SYNE1: variants seen among roughly 807,000 people sequenced by gnomAD.
SYNE1 encodes the protein spectrin repeat containing nuclear envelope protein 1.
Under a neutral mutation model 1,111.0 loss-of-function variants are expected in SYNE1, and 616 were observed. The ratio of observed to expected loss-of-function variants is 0.55; its 90% CI spans 0.52 to 0.59. The LOEUF is 0.59. Ranked by LOEUF, SYNE1 falls within the 20% of genes least tolerant of loss-of-function variation. The pLI, the probability that SYNE1 is intolerant of heterozygous loss-of-function variation, is 0.00. For missense variants in SYNE1, 10,006 were observed against 10,417.0 expected, an observed-to-expected ratio of 0.96 and a Z score of 1.72; for synonymous variants, 3,855 against 3,825.8, an observed-to-expected ratio of 1.01 and a Z score of -0.28.
At chr6:152,511,578 C>A (rs753354938) in intron 6 of SYNE1, 1 of 1,612,674 alleles carries the variant, frequency 6.2e-7, no homozygotes, top group Non-Finnish European at 8.5e-7. Context: ...AACCGGTGAT[C>A]CTCTGTGCAT....
At position 152,140,128 on chromosome 6, in the gene SYNE1, T is replaced by C. The variant is rs1377286405; in HGVS notation, c.25280A>G (p.Gln8427Arg). 6.2e-7 allele frequency: 1 copy of C among 1,614,186 alleles called. No individual in the cohort carries two copies. Among genetic ancestry groups the C allele is most frequent in the Non-Finnish European group, 8.5e-7 (1 of 1,180,020 alleles). Residue 8427 changes from glutamine to arginine, a missense_variant, in exon 140 of 146, where the codon CAG becomes CGG. By Grantham distance (43) the Gln-to-Arg change is conservative (BLOSUM62 1). Coordinates refer to ENST00000367255, the MANE Select transcript of SYNE1 (RefSeq NM_182961.4). Reference protein sequence around the residue: ...VIDRWELLQAQALSKELRMKQ... With the variant: ...VIDRWELLQARALSKELRMKQ... ...CATCCTCAACTCCTTGCTCAATGCCTGGGCCTGGAGAAGCTCCCATCGGTC... is the reference window on the plus strand; with the variant it reads ...CATCCTCAACTCCTTGCTCAATGCCCGGGCCTGGAGAAGCTCCCATCGGTC...
chr6:152,398,741 G>A lies in SYNE1; in HGVS notation c.7238-10C>T, dbSNP rs756627281. On this transcript the variant is annotated splice_polypyrimidine_tract_variant and intron_variant, in intron 48 of 145. Coordinates refer to ENST00000367255, the MANE Select transcript of SYNE1 (RefSeq NM_182961.4). ...AATTCCTGCATAGACTCTTTTGAAA[G>A]AAAAAATAAATAAATAAAAATAAAA... 3 of 1,598,612 alleles carry A rather than the reference G, an allele frequency of 1.9e-6. No individual in the cohort carries two copies. The African/African-American group carries it at 4.0e-5, about 21-fold the overall frequency.
intron 3 of SYNE1, among the ~76,000 whole-genome samples, chr6:152,577,992 G>A (rs963122723): frequency 1.3e-5 from 2 of 151,846 alleles, no homozygotes; most frequent in Non-Finnish European, 2.9e-5. Context: ...GATTTGATGC[G>A]GTGTTTTTGT....
At position 152,364,976 on chromosome 6, in the gene SYNE1, AT is replaced by A; in HGVS notation, c.10015del (p.Met3339Ter). ...VKQEKEIQMKMIVTRGESVLQ... is the reference protein window; with the variant it reads ...VKQEKEIQMKXIVTRGESVLQ... Reference sequence around the variant, plus strand: ...GACAGATTCTCCCCTGGTCACTATCATTTTCATCTGAATCTCTTTTTCCTGT... The same window carrying A: ...GACAGATTCTCCCCTGGTCACTATCATTTCATCTGAATCTCTTTTTCCTGT... On this transcript the variant is annotated frameshift_variant, in exon 63 of 146. Coordinates refer to ENST00000367255, the MANE Select transcript of SYNE1 (RefSeq NM_182961.4). LOFTEE classifies it high-confidence loss of function. 6.2e-7 allele frequency: 1 copy of A among 1,614,202 alleles called. No homozygotes were observed. Among genetic ancestry groups the A allele is most frequent in the Non-Finnish European group, 8.5e-7 (1 of 1,180,036 alleles).
intron 145 of SYNE1, chr6:152,125,347 A>G (rs1304598811): frequency 6.5e-7 from 1 of 1,550,200 alleles, no homozygotes; most frequent in Non-Finnish European, 8.7e-7. Flanking sequence ...CCTCGTGTCT[A>G]AAGCCTCTGG....
chr6:152,540,135 AT>A, intron 3 of SYNE1, 114 bp from the exon 4 acceptor site: 2 of 1,028,330 alleles, frequency 1.9e-6, no homozygotes, highest in Non-Finnish European at 3.0e-6. Context: ...TTTCTCATTC[AT>A]TTTACCAATT....
At chr6:152,310,245 C>T (rs1417997595) in intron 89 of SYNE1, 151 bp downstream of exon 89, 1 of 1,255,502 alleles carries the variant, frequency 8.0e-7, no homozygotes, top group Non-Finnish European at 1.1e-6. Flanking sequence ...AGTTCGAGAC[C>T]AGCCTGGCCA....
At chr6:152,492,419 C>T (rs934921054) in intron 11 of SYNE1, among the ~76,000 whole-genome samples, 5 of 152,236 alleles carry the variant, frequency 3.3e-5, no homozygotes, top group Admixed American at 2.0e-4. Flanking sequence ...CACACAAGAA[C>T]TTCAAAATAC....
At chr6:152,550,276 A>G (rs1435876211) in intron 3 of SYNE1, among the ~76,000 whole-genome samples, 1 of 152,170 alleles carries the variant, frequency 6.6e-6, no homozygotes, top group Non-Finnish European at 1.5e-5. Context: ...GTGGGAAGGT[A>G]TAAGTGGGAG....
At chr6:152,444,305 C>T in intron 30 of SYNE1, 106 bp downstream of exon 30, 5 of 1,292,060 alleles carry the variant, frequency 3.9e-6, no homozygotes, top group Non-Finnish European at 5.6e-6. Context: ...TTCCCATGCC[C>T]CCTCACCCAC....
At position 152,510,338 on chromosome 6, in the gene SYNE1, G is replaced by C. The variant is rs1302474521; in HGVS notation, c.436C>G (p.Gln146Glu). Residue 146 changes from glutamine to glutamate, a missense_variant, in exon 8 of 146, where the codon CAG becomes GAG. Physicochemically the swap from Gln to Glu is conservative, Grantham distance 29. Transcript: ENST00000367255. ...GAGGATGCGCTGCTGGACAAAGACTGGAGCTGGGGCAGGTTGCTGGTCAAC... is the reference window on the plus strand; with the variant it reads ...GAGGATGCGCTGCTGGACAAAGACTCGAGCTGGGGCAGGTTGCTGGTCAAC... ...EELTSNLPQLQSLSSSASSVD... is the reference protein window; with the variant it reads ...EELTSNLPQLESLSSSASSVD... 2.6e-5 allele frequency: 42 copies of C among 1,613,868 alleles called. No individual in the cohort carries two copies. Among genetic ancestry groups the C allele is most frequent in the Non-Finnish European group, 3.4e-5 (40 of 1,179,984 alleles).
At chr6:152,380,925 A>G in intron 56 of SYNE1, 81 bp downstream of exon 56, 1 of 1,409,230 alleles carries the variant, frequency 7.1e-7, no homozygotes, top group Admixed American at 1.7e-5. Context: ...TTAGTTAGCA[A>G]GATTTTTTTT....
At chr6:152,187,173 G>C (rs1050574268) in intron 128 of SYNE1, among the ~76,000 whole-genome samples, 1 of 152,090 alleles carries the variant, frequency 6.6e-6, no homozygotes, top group Non-Finnish European at 1.5e-5. Flanking sequence ...TCTCATACAT[G>C]TATCCCCCGT....
intron 124 of SYNE1, 62 bp downstream of exon 124, chr6:152,211,432 T>A: frequency 5.5e-6 from 8 of 1,442,202 alleles, no homozygotes; most frequent in Non-Finnish European, 7.8e-6. Flanking sequence ...AATCTGCTCA[T>A]TAAAAAGAAA....
At chr6:152,336,597 G>T in intron 76 of SYNE1, 1 of 558,516 alleles carries the variant, frequency 1.8e-6, no homozygotes, top group Non-Finnish European at 3.2e-6. Flanking sequence ...CCTCTGATCT[G>T]ACAGGAGGTG....
chr6:152,367,578 G>T, intron 61 of SYNE1, 196 bp from the exon 62 acceptor site: 1 of 623,166 alleles, frequency 1.6e-6, no homozygotes, highest in Non-Finnish European at 2.8e-6. Context: ...TGGGTCAAAA[G>T]CAAAAAAAAA....
At chr6:152,419,783 G>C in intron 39 of SYNE1, 61 bp from the exon 40 acceptor site, 4 of 1,583,606 alleles carry the variant, frequency 2.5e-6, no homozygotes, top group Non-Finnish European at 3.5e-6. Flanking sequence ...GATTAATGAT[G>C]TATTTTGGGA....
intron 107 of SYNE1, among the ~76,000 whole-genome samples, chr6:152,240,764 C>T (rs1396174460): frequency 6.6e-6 from 1 of 152,196 alleles, no homozygotes; most frequent in Non-Finnish European, 1.5e-5. Flanking sequence ...CTGAGTCCCC[C>T]CAGTCTATGT....
chr6:152,177,073 C>A (rs1296639353), intron 129 of SYNE1, among the ~76,000 whole-genome samples: 2 of 152,104 alleles, frequency 1.3e-5, no homozygotes, highest in Non-Finnish European at 2.9e-5. Flanking sequence ...AGAGTTCCTT[C>A]ATTTTAAAGA....
Sources: gnomAD v4.1 joint callset for allele counts (sites outside exome capture counted in the v4.1 genomes callset) on GRCh38, gnomAD v4.1.1 for gene constraint, MANE v1.5 for transcripts, NCBI Gene and HGNC (gene_info 2026-07-23, HGNC 2026-07-21) for gene names.